ZC3H12B: variants seen among roughly 807,000 people sequenced by gnomAD.
The protein encoded by ZC3H12B is zinc finger CCCH-type containing 12B.
ZC3H12B carries 7 observed loss-of-function variants against 43.9 expected under a neutral mutation model. The observed-to-expected ratio is 0.16, with a 90% CI of 0.09 to 0.30. The LOEUF (loss-of-function observed/expected upper bound fraction) is 0.30. Among genes scored for constraint, ZC3H12B ranks in the 10% least tolerant of loss-of-function variants. The pLI is 1.00. For synonymous variants in ZC3H12B, 222 were observed against 241.7 expected, an observed-to-expected ratio of 0.92 and a Z score of 0.76; for missense variants, 475 against 670.2, an observed-to-expected ratio of 0.71 and a Z score of 3.22.
the ZC3H12B span, among the ~76,000 whole-genome samples, chrX:65,137,920 G>A: frequency 1.8e-5 from 2 of 112,064 alleles, no homozygotes; most frequent in South Asian, 7.4e-4. Flanking sequence ...CCTTCACCTC[G>A]TGGGTTCAAG....
At chrX:65,307,318 A>T in the ZC3H12B span, among the ~76,000 whole-genome samples, 1 of 111,968 alleles carries the variant, frequency 8.9e-6, no homozygotes, top group Non-Finnish European at 1.9e-5. Context: ...AATTAGAATA[A>T]AAATCAGTCA....
At chrX:65,111,523 G>A in the ZC3H12B span, among the ~76,000 whole-genome samples, 1 of 106,956 alleles carries the variant, frequency 9.3e-6, no homozygotes, top group Admixed American at 9.9e-5. Flanking sequence ...CAATTTGCAA[G>A]TATTGCAATT....
chrX:65,375,326 T>G (rs1235312886), intron 2 of ZC3H12B, among the ~76,000 whole-genome samples: 2 of 111,316 alleles, frequency 1.8e-5, no homozygotes, highest in African/African-American at 3.3e-5. Context: ...CAAACTAAAG[T>G]GTTTTGGGGT....
the ZC3H12B span, among the ~76,000 whole-genome samples, chrX:65,210,872 G>C: frequency 4.4e-5 from 2 of 45,290 alleles, no homozygotes; most frequent in Non-Finnish European, 7.4e-5. Flanking sequence ...TGAACAATGA[G>C]ATCACATGGA....
chrX:65,363,313 G>A (rs772890651), upstream of ZC3H12B, among the ~76,000 whole-genome samples: 20 of 110,877 alleles, frequency 1.8e-4, no homozygotes, highest in Admixed American at 1.9e-3. Context: ...TACCTACCTC[G>A]GCATAATTCT....
chrX:65,162,551 G>C, the ZC3H12B span, among the ~76,000 whole-genome samples: 6 of 111,521 alleles, frequency 5.4e-5, 1 homozygote, highest in African/African-American at 9.8e-5. Flanking sequence ...TCTTCCAGTT[G>C]ATCACATCGG....
At chrX:65,450,222 T>G (rs1254589722) in intron 3 of ZC3H12B, among the ~76,000 whole-genome samples, 1 of 101,605 alleles carries the variant, frequency 9.8e-6, no homozygotes, top group Admixed American at 1.1e-4. Flanking sequence ...GGAGAATTAC[T>G]TGAACCGGGA....
At chrX:65,058,633 G>C in the ZC3H12B span, among the ~76,000 whole-genome samples, 73 of 112,241 alleles carry the variant, frequency 6.5e-4, no homozygotes, top group South Asian at 0.025. Flanking sequence ...GTCTGCAGAG[G>C]TTTCTGCTGC....
At chrX:65,461,270 T>A (rs1008235816) in intron 3 of ZC3H12B, among the ~76,000 whole-genome samples, 4 of 112,079 alleles carry the variant, frequency 3.6e-5, no homozygotes, top group Admixed American at 2.8e-4. Context: ...CTAAACTAGT[T>A]CAACCATTGT....
chrX:65,192,769 C>CAGATAGATAGATAGATAGATAGAT, the ZC3H12B span, among the ~76,000 whole-genome samples: 6 of 104,409 alleles, frequency 5.7e-5, no homozygotes, highest in African/African-American at 1.8e-4. Context: ...GGGATTTTCC[C>CAGATAGATAGATAGATAGATAGAT]AGATAGATAG....
chrX:65,386,596 G>T (rs750878697), intron 2 of ZC3H12B, among the ~76,000 whole-genome samples: 2 of 110,859 alleles, frequency 1.8e-5, no homozygotes, highest in South Asian at 3.8e-4. Flanking sequence ...TCAAAAACCA[G>T]CCCCTGGTTT....
chrX:65,105,504 A>T, the ZC3H12B span, among the ~76,000 whole-genome samples: 1 of 111,416 alleles, frequency 9.0e-6, no homozygotes, highest in Non-Finnish European at 1.9e-5. Flanking sequence ...GAAGGAATAA[A>T]ACTAGAAGAC....
chrX:65,338,117 G>A, the ZC3H12B span, among the ~76,000 whole-genome samples: 1 of 111,855 alleles, frequency 8.9e-6, no homozygotes, highest in Non-Finnish European at 1.9e-5. Flanking sequence ...TGCTCTAATA[G>A]AGTCTTTGGA....
chrX:65,156,886 C>T, the ZC3H12B span, among the ~76,000 whole-genome samples: 1 of 111,987 alleles, frequency 8.9e-6, no homozygotes, highest in South Asian at 3.7e-4. Flanking sequence ...ACATTTTTAG[C>T]ACATCATCTT....
At chrX:65,442,741 A>G in intron 3 of ZC3H12B, among the ~76,000 whole-genome samples, 1 of 112,522 alleles carries the variant, frequency 8.9e-6, no homozygotes, top group South Asian at 3.7e-4. Context: ...AACCTGGTCC[A>G]TACTCATTTA....
chrX:65,108,296 A>AT, the ZC3H12B span, among the ~76,000 whole-genome samples: 7 of 111,819 alleles, frequency 6.3e-5, no homozygotes, highest in South Asian at 1.5e-3. Flanking sequence ...AAACATTTTA[A>AT]TTTTTTAATT....
the ZC3H12B span, among the ~76,000 whole-genome samples, chrX:65,309,166 CA>C: frequency 8.7e-4 from 83 of 95,278 alleles, no homozygotes; most frequent in East Asian, 5.9e-3. Context: ...GCTAGAAACA[CA>C]AAAAAAAAAA....
the ZC3H12B span, among the ~76,000 whole-genome samples, chrX:65,155,099 A>G: frequency 9.1e-6 from 1 of 109,438 alleles, no homozygotes; most frequent in Non-Finnish European, 1.9e-5. Context: ...GGGACTACAG[A>G]CATGCAACCA....
chrX:65,171,697 G>T, the ZC3H12B span, among the ~76,000 whole-genome samples: 1 of 110,991 alleles, frequency 9.0e-6, no homozygotes, highest in Non-Finnish European at 1.9e-5. Flanking sequence ...CACCGAGTTT[G>T]AGTTTCCCAG....
Sources: allele counts gnomAD v4.1 joint callset (sites outside exome capture counted in the v4.1 genomes callset), GRCh38; gene constraint gnomAD v4.1.1; transcripts MANE v1.5; gene names NCBI Gene and HGNC (gene_info 2026-07-23, HGNC 2026-07-21).